The following CUBN variants were observed in gnomAD, a reference collection of about 807,000 sequenced individuals.
CUBN encodes cubilin, also known as 460 kDa receptor.
Under a neutral mutation model 405.3 loss-of-function variants are expected in CUBN, and 282 were observed. That is an observed-to-expected ratio of 0.70 (90% CI 0.63 to 0.77). CUBN has a LOEUF of 0.77. CUBN is among the 30% of genes least tolerant of loss of function. The probability of loss-of-function intolerance (pLI) is 0.00; values close to 1 mark genes in which losing one functional copy is unlikely to be tolerated. For missense variants in CUBN, 4,514 were observed against 4,475.2 expected (o/e 1.01, Z -0.25); for synonymous variants, 1,684 against 1,617.0 (o/e 1.04, Z -0.99).
intron 29 of CUBN, among the ~76,000 whole-genome samples, chr10:16,989,378 T>C (rs1833515512): frequency 6.9e-6 from 1 of 144,792 alleles, no homozygotes; most frequent in Non-Finnish European, 1.5e-5. Context: ...ATTATTGTAA[T>C]TATTAATTAT....
intron 65 of CUBN, among the ~76,000 whole-genome samples, chr10:16,829,575 A>G (rs1588564722): frequency 2.0e-5 from 3 of 152,342 alleles, no homozygotes; most frequent in African/African-American, 7.2e-5. Context: ...AATAACTGAC[A>G]TACTTAAGGT....
At chr10:17,122,504 T>C (rs766086355) in intron 6 of CUBN, 1 of 463,928 alleles carries the variant, frequency 2.2e-6, no homozygotes, top group East Asian at 5.9e-5. Context: ...CTTCAGCTCC[T>C]TTTGCACCAG....
Position 17,104,346 on chromosome 10 carries a change from C to G in CUBN, c.1417+73G>C, listed in dbSNP as rs1836568202. On this transcript the variant is annotated intron_variant, in intron 12 of 66. Transcript: ENST00000377833. The stretch of plus-strand genomic sequence containing the variant: ...AAGAAAGTGGGTTCAGCAGAGGAAT[C>G]TGTTGAGGGACTCACTAAAGGATGC... The G allele has an allele frequency of 2.9e-6, 4 of 1,387,170 alleles. No homozygotes were observed. In the Admixed American group the frequency reaches 5.1e-5, roughly 18 times the overall value. 85.9% of individuals were successfully genotyped at this position (1,387,170 alleles called of 1,614,324 possible). A position where few individuals can be genotyped will look rare whatever the true frequency, so the allele number is the denominator to read the frequency against.
intron 64 of CUBN, among the ~76,000 whole-genome samples, chr10:16,832,907 G>A (rs2131306458): frequency 6.6e-6 from 1 of 152,284 alleles, no homozygotes; most frequent in Middle Eastern, 3.4e-3. Context: ...AAGAAACTAT[G>A]CCCACAGCCT....
intron 36 of CUBN, among the ~76,000 whole-genome samples, chr10:16,944,702 G>A (rs1214239197): frequency 6.6e-6 from 1 of 152,164 alleles, no homozygotes; most frequent in Non-Finnish European, 1.5e-5. Context: ...CTTCTTACAG[G>A]CGAGAAAGGA....
chr10:16,954,747 G>A (rs576600002), intron 31 of CUBN, among the ~76,000 whole-genome samples, 199 bp from the exon 32 acceptor site: 1 of 152,202 alleles, frequency 6.6e-6, no homozygotes, highest in African/African-American at 2.4e-5. Context: ...ATTTCAGCAG[G>A]ACTTCCTCTG....
chr10:17,115,151 C>T lies in CUBN; in HGVS notation c.720+320G>A, dbSNP rs542756335. Among the ~76,000 whole-genome samples the T allele has an allele frequency of 8.1e-5, 12 of 148,896 alleles. No homozygotes were observed. In the South Asian group the frequency reaches 1.1e-3, roughly 13 times the overall value. On this transcript the variant is annotated intron_variant, in intron 7 of 66. Coordinates refer to ENST00000377833, the MANE Select transcript of CUBN (RefSeq NM_001081.4). ...CCCAGCTACTCAGGAGGCTGAGTCA[C>T]GAGAATTGCTTGAACCTGGGAGGTG...
At chr10:17,073,476 C>T (rs959469248) in intron 17 of CUBN, among the ~76,000 whole-genome samples, 23 of 109,044 alleles carry the variant, frequency 2.1e-4, no homozygotes, top group Admixed American at 4.0e-4. Context: ...GATGGAGTTT[C>T]GCTCTTGTCA....
chr10:17,126,378 C>T (rs904662406), intron 4 of CUBN, among the ~76,000 whole-genome samples: 9 of 152,138 alleles, frequency 5.9e-5, no homozygotes, highest in Admixed American at 1.3e-4. Flanking sequence ...CCTAGACTTC[C>T]GAGCTTAGCG....
chr10:17,047,328 T>C (rs532967190), intron 23 of CUBN, 86 bp downstream of exon 23: 1 of 1,089,570 alleles, frequency 9.2e-7, no homozygotes, highest in East Asian at 2.6e-5. Flanking sequence ...AGAATTTCCA[T>C]ATTTTTTTCC....
At chr10:16,927,804 G>A (rs1447138013) in intron 41 of CUBN, among the ~76,000 whole-genome samples, 4 of 152,320 alleles carry the variant, frequency 2.6e-5, no homozygotes, top group East Asian at 1.9e-4. Context: ...TTGCTCCTTC[G>A]ATGAGTTATG....
intron 28 of CUBN, among the ~76,000 whole-genome samples, chr10:17,007,042 G>A (rs1331074764): frequency 6.6e-6 from 1 of 152,184 alleles, no homozygotes; most frequent in African/African-American, 2.4e-5. Context: ...GACCTTGTTT[G>A]TATGCTGGAT....
At chr10:16,888,649 A>T in intron 55 of CUBN, 83 bp from the exon 56 acceptor site, 2 of 1,180,578 alleles carry the variant, frequency 1.7e-6, no homozygotes, top group Non-Finnish European at 1.3e-6. Context: ...GCATTTTCCT[A>T]AATTATCTAT....
At chr10:16,863,902 C>A (rs1840088280) in intron 59 of CUBN, among the ~76,000 whole-genome samples, 1 of 152,174 alleles carries the variant, frequency 6.6e-6, no homozygotes, top group Non-Finnish European at 1.5e-5. Context: ...CAGGCAAAAA[C>A]TCACAGGAGA....
intron 58 of CUBN, among the ~76,000 whole-genome samples, chr10:16,871,039 T>TG (rs201868502): frequency 0.012 from 1,858 of 152,076 alleles, 31 homozygotes; most frequent in African/African-American, 0.042. Flanking sequence ...TTTTTCTTTT[T>TG]TTTTTTGAGA....
Position 16,841,015 on chromosome 10 carries a change from C to G in CUBN, c.9696G>C (p.Leu3232Phe), listed in dbSNP as rs1361489758. ...CTGTGGAACCACAAAACGTTCCAGCCAAGTTCGCATTTTCACTATCCCCAT... is the reference window on the plus strand; with the variant it reads ...CTGTGGAACCACAAAACGTTCCAGCGAAGTTCGCATTTTCACTATCCCCAT... ...LYDGDSENAN[L>F]AGTFCGSTVP... Residue 3232 changes from leucine to phenylalanine, a missense_variant, in exon 61 of 67, where the codon TTG becomes TTC. By Grantham distance (22) the Leu-to-Phe change is conservative (BLOSUM62 0). Around this residue, in one of 5 missense-constraint regions of CUBN, gnomAD observed 1,186 missense variants for 1,186.9 expected, o/e 1.00. Coordinates refer to ENST00000377833, the MANE Select transcript of CUBN (RefSeq NM_001081.4). 2 of 1,613,956 alleles carry G rather than the reference C, an allele frequency of 1.2e-6. No homozygotes were observed. The highest frequency in any genetic ancestry group is 2.7e-5 in the African/African-American group (2 of 74,918).
intron 48 of CUBN, among the ~76,000 whole-genome samples, chr10:16,908,302 C>T (rs1337888849): frequency 5.3e-5 from 8 of 152,124 alleles, no homozygotes; most frequent in East Asian, 1.9e-4. Flanking sequence ...TGCACCACCA[C>T]GCCCAGCTAA....
Position 16,834,985 on chromosome 10 carries a change from C to A in CUBN, c.10362+29G>T, listed in dbSNP as rs752029852. The A allele has an allele frequency of 7.5e-6, 12 of 1,595,846 alleles. No individual in the cohort carries two copies. In the African/African-American group the frequency reaches 1.3e-4, roughly 18 times the overall value. On this transcript the variant is annotated intron_variant, in intron 64 of 66. Coordinates refer to ENST00000377833, the MANE Select transcript of CUBN (RefSeq NM_001081.4). The stretch of plus-strand genomic sequence containing the variant: ...GTGATCCACCATCTTTTAAATAATT[C>A]ATTCAAACGATATTCAAATGCATAT...
chr10:17,123,447 A>T (rs547778773), intron 5 of CUBN, 141 bp downstream of exon 5: 1 of 739,126 alleles, frequency 1.4e-6, no homozygotes. Flanking sequence ...GGGTTTTAGC[A>T]TACCTGGTAT....
Sources: gnomAD v4.1 joint callset for allele counts (sites outside exome capture counted in the v4.1 genomes callset) on GRCh38, gnomAD v4.1.1 for gene constraint, gnomAD v4.1.1 regional missense constraint, MANE v1.5 for transcripts, NCBI Gene and HGNC (gene_info 2026-07-23, HGNC 2026-07-21) for gene names.